Variants in PTPRD observed in about 807,000 individuals in gnomAD.
PTPRD encodes receptor-type tyrosine-protein phosphatase delta.
In PTPRD, 34 loss-of-function variants were observed where a neutral mutation model predicts 214.5. The ratio of observed to expected loss-of-function variants is 0.16; its 90% CI spans 0.12 to 0.21. The LOEUF (loss-of-function observed/expected upper bound fraction) is 0.21, where lower values mean the gene tolerates loss of function less well. Among genes scored for constraint, PTPRD ranks in the 10% least tolerant of loss-of-function variants. The pLI is 1.00. For synonymous variants in PTPRD, 1,128 were observed against 845.7 expected, an observed-to-expected ratio of 1.33 and a Z score of -5.79; for missense variants, 2,545 against 2,398.7, an observed-to-expected ratio of 1.06 and a Z score of -1.27.
At chr9:8,632,620 T>A (rs2096287895) in intron 14 of PTPRD, among the ~76,000 whole-genome samples, 1 of 151,816 alleles carries the variant, frequency 6.6e-6, no homozygotes, top group African/African-American at 2.4e-5. Flanking sequence ...TACAACACAG[T>A]CTTCATCATA....
chr9:10,553,413 C>T (rs2061786463), intron 2 of PTPRD, among the ~76,000 whole-genome samples: 1 of 150,290 alleles, frequency 6.7e-6, no homozygotes, highest in African/African-American at 2.4e-5. Flanking sequence ...TAAAATAGTT[C>T]ACAAAAAATA....
chr9:9,592,610 T>C lies in PTPRD; in HGVS notation c.-286-17829A>G, dbSNP rs573919264. On this transcript the variant is annotated intron_variant, in intron 7 of 45. Coordinates refer to ENST00000381196, the MANE Select transcript of PTPRD (RefSeq NM_002839.4). ...GCCAACTCTGTTAAGTTGATACTCC[T>C]TTCGTCATTCCCTACTCCTACAAGG... 5.3e-5 allele frequency among the ~76,000 whole-genome samples: 8 copies of C among 152,154 alleles called. No homozygotes were observed. In the East Asian group the frequency reaches 7.8e-4, roughly 15 times the overall value.
intron 10 of PTPRD, among the ~76,000 whole-genome samples, chr9:9,177,885 T>G (rs764287712): frequency 6.6e-6 from 1 of 152,166 alleles, no homozygotes; most frequent in Non-Finnish European, 1.5e-5. Context: ...GAGATGCACA[T>G]GCCTATGATG....
chr9:9,061,022 A>T (rs1009694900), intron 10 of PTPRD, among the ~76,000 whole-genome samples: 1 of 152,146 alleles, frequency 6.6e-6, no homozygotes, highest in Non-Finnish European at 1.5e-5. Context: ...AAATAACTTC[A>T]TTTCTATACA....
At chr9:8,390,334 C>G (rs1480435304) in intron 36 of PTPRD, among the ~76,000 whole-genome samples, 2 of 152,122 alleles carry the variant, frequency 1.3e-5, no homozygotes, top group Admixed American at 1.3e-4. Flanking sequence ...CTTTAAAACT[C>G]TAGACACTGG....
chr9:8,617,523 G>T (rs2095653687), intron 14 of PTPRD, among the ~76,000 whole-genome samples: 1 of 152,016 alleles, frequency 6.6e-6, no homozygotes, highest in African/African-American at 2.4e-5. Flanking sequence ...AAAATTTACT[G>T]ACATGTATTA....
At position 8,621,466 on chromosome 9, in the gene PTPRD, C is replaced by G. The variant is rs574759243; in HGVS notation, c.352+11851G>C. Among the ~76,000 whole-genome samples, 3 of 152,046 alleles carry G rather than the reference C, an allele frequency of 2.0e-5. No homozygotes were observed. In the East Asian group the frequency reaches 5.8e-4, roughly 30 times the overall value. The stretch of plus-strand genomic sequence containing the variant: ...ATAGGGAATTAAGAAAAGATTGGCT[C>G]AAACCCCAGTCGTACTGGGCAAAAC... On this transcript the variant is annotated intron_variant, in intron 14 of 45. Coordinates refer to ENST00000381196, the MANE Select transcript of PTPRD (RefSeq NM_002839.4).
At chr9:9,052,967 T>A (rs1177114649) in intron 10 of PTPRD, among the ~76,000 whole-genome samples, 1 of 152,210 alleles carries the variant, frequency 6.6e-6, no homozygotes, top group Non-Finnish European at 1.5e-5. Flanking sequence ...CTGGCTAACT[T>A]ACTCATGTGA....
At chr9:10,512,595 C>A (rs2048674429) in intron 2 of PTPRD, among the ~76,000 whole-genome samples, 1 of 152,010 alleles carries the variant, frequency 6.6e-6, no homozygotes. Flanking sequence ...GCACAAGTAC[C>A]TTCATTTCTC....
intron 9 of PTPRD, among the ~76,000 whole-genome samples, chr9:9,386,462 A>G (rs2063907132): frequency 6.6e-6 from 1 of 152,116 alleles, no homozygotes; most frequent in Non-Finnish European, 1.5e-5. Context: ...TGGTGGTTGC[A>G]TTAGCCTTTC....
At chr9:9,919,937 A>G (rs919452754) in intron 5 of PTPRD, among the ~76,000 whole-genome samples, 9 of 152,154 alleles carry the variant, frequency 5.9e-5, no homozygotes, top group African/African-American at 2.2e-4. Flanking sequence ...AATCTGTTAC[A>G]TTTGTAACAC....
intron 11 of PTPRD, among the ~76,000 whole-genome samples, chr9:8,840,057 G>A (rs1177727571): frequency 2.0e-5 from 3 of 152,204 alleles, no homozygotes; most frequent in African/African-American, 7.2e-5. Flanking sequence ...ATTCTATAAT[G>A]AGATTATATT....
chr9:9,466,022 CT>C (rs1484759435), intron 8 of PTPRD, among the ~76,000 whole-genome samples: 1 of 152,028 alleles, frequency 6.6e-6, no homozygotes, highest in Non-Finnish European at 1.5e-5. Flanking sequence ...AATATAAAAT[CT>C]AGTAGCCAGG....
intron 2 of PTPRD, among the ~76,000 whole-genome samples, chr9:10,541,507 G>C (rs915822532): frequency 6.6e-6 from 1 of 151,848 alleles, no homozygotes; most frequent in African/African-American, 2.4e-5. Context: ...TTTATGCAGT[G>C]AGTGTATTTT....
intron 12 of PTPRD, among the ~76,000 whole-genome samples, chr9:8,695,439 A>C (rs12685924): frequency 0.31 from 46,536 of 150,928 alleles, 8,099 homozygotes; most frequent in African/African-American, 0.46. Flanking sequence ...ATAGAATGAG[A>C]GTAGATAAAA....
chr9:9,273,404 T>G (rs1284816850), intron 9 of PTPRD, among the ~76,000 whole-genome samples: 1 of 151,268 alleles, frequency 6.6e-6, no homozygotes, highest in African/African-American at 2.4e-5. Flanking sequence ...AATAGCTCTC[T>G]CTGTGTCTGT....
chr9:8,628,943 A>C (rs1189024371), intron 14 of PTPRD, among the ~76,000 whole-genome samples: 1 of 151,806 alleles, frequency 6.6e-6, no homozygotes, highest in African/African-American at 2.4e-5. Context: ...AATAGATAAG[A>C]GCAGCAGTGT....
At chr9:9,101,400 A>T (rs778969103) in intron 10 of PTPRD, among the ~76,000 whole-genome samples, 46 of 152,124 alleles carry the variant, frequency 3.0e-4, no homozygotes, top group Non-Finnish European at 5.6e-4. Context: ...CAGCTCTATA[A>T]AAATACACCT....
chr9:9,566,393 C>T (rs1208950791), intron 8 of PTPRD, among the ~76,000 whole-genome samples: 2 of 151,890 alleles, frequency 1.3e-5, no homozygotes, highest in African/African-American at 2.4e-5. Context: ...CAGCAATAAG[C>T]AATGGTGTTG....
Sources: allele counts gnomAD v4.1 joint callset (sites outside exome capture counted in the v4.1 genomes callset), GRCh38; gene constraint gnomAD v4.1.1; transcripts MANE v1.5; gene names NCBI Gene and HGNC (gene_info 2026-07-23, HGNC 2026-07-21).